The following CCDC91 variants were observed in gnomAD, a reference collection of about 807,000 sequenced individuals.
CCDC91 encodes the protein coiled-coil domain containing 91.
Under a neutral mutation model 63.2 loss-of-function variants are expected in CCDC91, and 48 were observed. That is an observed-to-expected ratio of 0.76 (90% confidence interval 0.60 to 0.97). CCDC91 has a LOEUF of 0.97. Among genes scored for constraint, CCDC91 ranks in the 50% least tolerant of loss-of-function variants. The pLI, the probability that CCDC91 is intolerant of heterozygous loss-of-function variation, is 0.00. For missense variants in CCDC91, 500 were observed against 494.6 expected (o/e 1.01, Z -0.10); for synonymous variants, 167 against 165.8 (o/e 1.01, Z -0.06).
At chr12:28,285,105 T>A (rs1164705603) in intron 3 of CCDC91, among the ~76,000 whole-genome samples, 1 of 152,198 alleles carries the variant, frequency 6.6e-6, no homozygotes, top group Non-Finnish European at 1.5e-5. Context: ...TGATTTTTTT[T>A]AGAACTTATT....
At chr12:28,436,874 A>G (rs1484591785) in intron 8 of CCDC91, among the ~76,000 whole-genome samples, 1 of 151,900 alleles carries the variant, frequency 6.6e-6, no homozygotes, top group Non-Finnish European at 1.5e-5. Flanking sequence ...CCAATCTTGT[A>G]GTTTAAAATG....
In CCDC91 at chr12:28,519,294, G is replaced by GTTTGTTTTGTTTTGT. The variant is rs150466852; in HGVS notation, c.1216-29756_1216-29742dup. Among the ~76,000 whole-genome samples the GTTTGTTTTGTTTTGT allele has an allele frequency of 1.5e-3, 226 of 151,054 alleles. 1 individual carries two copies. Among genetic ancestry groups the GTTTGTTTTGTTTTGT allele is most frequent in the Admixed American group, 2.6e-3 (40 of 15,112 alleles). On this transcript the variant is annotated intron_variant, in intron 12 of 12. Transcript: ENST00000536442. ...AGTTAGGTATATTGCTAAGTTGTTT[G>GTTTGTTTTGTTTTGT]TTTGTTTTGTTTTGTTTTGTTTTGT...
intron 6 of CCDC91, among the ~76,000 whole-genome samples, chr12:28,336,525 A>T (rs899894884): frequency 1.4e-4 from 22 of 152,172 alleles, no homozygotes; most frequent in African/African-American, 5.1e-4. Context: ...TTCAACTTCA[A>T]CATTTTATTT....
Position 28,413,824 on chromosome 12 carries a change from T to A in CCDC91, c.762+22413T>A, listed in dbSNP as rs146686695. 3.8e-3 allele frequency among the ~76,000 whole-genome samples: 585 copies of A among 152,340 alleles called. 7 individuals carry two copies. The highest frequency in any genetic ancestry group is 0.013 in the African/African-American group (553 of 41,578). On this transcript the variant is annotated intron_variant, in intron 8 of 12. Coordinates refer to ENST00000536442, the MANE Select transcript of CCDC91 (RefSeq NM_018318.5). ...ATAATACTTTTCAAATTCAATAGTT[T>A]AACTTTTAATTTTCCTGGACAGTAA...
At chr12:28,398,277 T>C (rs1946408867) in intron 8 of CCDC91, among the ~76,000 whole-genome samples, 1 of 152,146 alleles carries the variant, frequency 6.6e-6, no homozygotes, top group Non-Finnish European at 1.5e-5. Context: ...GAATGAATTA[T>C]ATGGTATCTA....
At chr12:28,407,922 T>C (rs1025692913) in intron 8 of CCDC91, among the ~76,000 whole-genome samples, 3 of 150,468 alleles carry the variant, frequency 2.0e-5, no homozygotes, top group African/African-American at 4.9e-5. Flanking sequence ...AAGGACACAA[T>C]TGGTCTTAAC....
chr12:28,501,960 T>G (rs1565484647), intron 12 of CCDC91, among the ~76,000 whole-genome samples: 1 of 152,052 alleles, frequency 6.6e-6, no homozygotes, highest in Non-Finnish European at 1.5e-5. Flanking sequence ...GAGGAATTTA[T>G]CCATTTCTTT....
At chr12:28,480,952 T>C (rs941689382) in intron 11 of CCDC91, among the ~76,000 whole-genome samples, 1 of 152,048 alleles carries the variant, frequency 6.6e-6, no homozygotes, top group African/African-American at 2.4e-5. Context: ...ATAACTATAC[T>C]TTTAAGCAAT....
chr12:28,241,715 T>TG (rs1406819444), intron 1 of CCDC91, among the ~76,000 whole-genome samples: 1 of 152,038 alleles, frequency 6.6e-6, no homozygotes, highest in African/African-American at 2.4e-5. Flanking sequence ...CCTGTGTTCT[T>TG]GCGGGGCGTG....
At chr12:28,195,395 TCCAA>T (rs1158805313) in intron 1 of CCDC91, among the ~76,000 whole-genome samples, 7 of 152,200 alleles carry the variant, frequency 4.6e-5, no homozygotes, top group Non-Finnish European at 8.8e-5. Flanking sequence ...AGAAAAGTTC[TCCAA>T]GTCCCCACCT....
chr12:28,498,509 C>T (rs954434622), intron 12 of CCDC91, among the ~76,000 whole-genome samples: 1 of 151,578 alleles, frequency 6.6e-6, no homozygotes, highest in Non-Finnish European at 1.5e-5. Context: ...ATTCCATATA[C>T]CATGAAGCCA....
At chr12:28,283,236 G>A (rs1289908910) in intron 3 of CCDC91, among the ~76,000 whole-genome samples, 1 of 123,512 alleles carries the variant, frequency 8.1e-6, no homozygotes, top group Non-Finnish European at 1.8e-5. Flanking sequence ...TTTTTTTTTA[G>A]TTCTGTGAAA....
At chr12:28,433,396 G>C (rs1306177632) in intron 8 of CCDC91, among the ~76,000 whole-genome samples, 1 of 151,924 alleles carries the variant, frequency 6.6e-6, no homozygotes, top group Admixed American at 6.6e-5. Context: ...TTTCATGAAA[G>C]TTATATGGTC....
At chr12:28,387,290 T>A (rs920759495) in intron 7 of CCDC91, among the ~76,000 whole-genome samples, 34 of 151,750 alleles carry the variant, frequency 2.2e-4, no homozygotes, top group Admixed American at 2.0e-3. Context: ...CTCCTTGTTG[T>A]TATACAAGTT....
At chr12:28,475,354 A>T (rs1367604913) in intron 11 of CCDC91, among the ~76,000 whole-genome samples, 1 of 152,158 alleles carries the variant, frequency 6.6e-6, no homozygotes, top group African/African-American at 2.4e-5. Flanking sequence ...TAATCCCTTC[A>T]TAAGTAGCTG....
At position 28,337,130 on chromosome 12, in the gene CCDC91, C is replaced by A. The variant is rs183762183; in HGVS notation, c.577-25308C>A. Among the ~76,000 whole-genome samples the A allele has an allele frequency of 6.7e-3, 1,022 of 152,164 alleles. 16 individuals carry two copies. The highest frequency in any genetic ancestry group is 0.024 in the African/African-American group (989 of 41,518). Reference sequence around the variant, plus strand: ...AGGTCAATTGCCCCCAGTTAGAAATCATTAATTTCATTATATTTATCTCAA... The same window carrying A: ...AGGTCAATTGCCCCCAGTTAGAAATAATTAATTTCATTATATTTATCTCAA... On this transcript the variant is annotated intron_variant, in intron 6 of 12. Coordinates refer to ENST00000536442, the MANE Select transcript of CCDC91 (RefSeq NM_018318.5).
chr12:28,251,922 T>G (rs1470123550), intron 1 of CCDC91, among the ~76,000 whole-genome samples: 1 of 152,132 alleles, frequency 6.6e-6, no homozygotes, highest in African/African-American at 2.4e-5. Flanking sequence ...ATCCTATGTC[T>G]TTTTCTTTCT....
intron 6 of CCDC91, among the ~76,000 whole-genome samples, chr12:28,311,803 G>T (rs143495507): frequency 2.6e-5 from 4 of 151,752 alleles, no homozygotes; most frequent in Non-Finnish European, 4.4e-5. Flanking sequence ...TTCATGGATG[G>T]CCCTTTTGTT....
intron 12 of CCDC91, among the ~76,000 whole-genome samples, chr12:28,503,309 AT>A (rs1233486886): frequency 2.6e-5 from 4 of 152,262 alleles, no homozygotes; most frequent in African/African-American, 9.6e-5. Flanking sequence ...GAAGACATTT[AT>A]GCAGCCAAAA....
Sources: gnomAD v4.1 joint callset for allele counts (sites outside exome capture counted in the v4.1 genomes callset) on GRCh38, gnomAD v4.1.1 for gene constraint, MANE v1.5 for transcripts, NCBI Gene and HGNC (gene_info 2026-07-23, HGNC 2026-07-21) for gene names.